FTO: variants seen among roughly 807,000 people sequenced by gnomAD.
The protein encoded by FTO is FTO alpha-ketoglutarate dependent dioxygenase.
Under a neutral mutation model 63.9 loss-of-function variants are expected in FTO, and 47 were observed. The observed-to-expected ratio is 0.74, with a 90% CI of 0.58 to 0.94. The LOEUF (loss-of-function observed/expected upper bound fraction) is 0.94. FTO is among the 40% of genes least tolerant of loss of function. The pLI is 0.00. For missense variants in FTO, 562 were observed against 618.1 expected (o/e 0.91, Z 0.96); for synonymous variants, 207 against 224.4 (o/e 0.92, Z 0.69).
Position 53,826,630 on chromosome 16 carries a change from T to C in FTO, c.751+139T>C, listed in dbSNP as rs75020935. On this transcript the variant is annotated intron_variant, in intron 3 of 8. Transcript: ENST00000471389. ...GTGTACATGCACATGCGTGTGTGTG[T>C]ATCATGTGTCCTTTTTAGTCTTGTC... 5.4e-3 allele frequency: 4,212 copies of C among 786,038 alleles called. 91 individuals are homozygous for C. In the African/African-American group the frequency reaches 0.054, roughly 10 times the overall value. The allele number at this position is 786,038 out of a possible 1,614,324, so 48.7% of individuals were successfully genotyped here. A position where few individuals can be genotyped will look rare whatever the true frequency, so the allele number is the denominator to read the frequency against.
At chr16:53,807,938 T>C (rs1431700250) in intron 1 of FTO, among the ~76,000 whole-genome samples, 1 of 152,172 alleles carries the variant, frequency 6.6e-6, no homozygotes, top group African/African-American at 2.4e-5. Flanking sequence ...AATTAACCAA[T>C]AGTGAATTAT....
Position 53,960,012 on chromosome 16 carries a change from T to C in FTO, c.1364+25903T>C, listed in dbSNP as rs952552559. 2.6e-5 allele frequency among the ~76,000 whole-genome samples: 4 copies of C among 152,134 alleles called. No homozygotes were observed. The East Asian group carries it at 7.7e-4, about 29-fold the overall frequency. On this transcript the variant is annotated intron_variant, in intron 8 of 8. Transcript: ENST00000471389. ...GGAAAGCAGGTTGGTTGAACAGCCT[T>C]GAAAATGAGGAGTCAACAGTATTCA...
intron 1 of FTO, among the ~76,000 whole-genome samples, chr16:53,719,253 C>CTTTTTTTTTTT (rs10527186): frequency 7.4e-6 from 1 of 135,698 alleles, no homozygotes; most frequent in South Asian, 2.6e-4. Flanking sequence ...TCTTCTTCTT[C>CTTTTTTTTTTT]TTTTTTTTTT....
chr16:53,937,492 A>G (rs1037762383), intron 8 of FTO: 1 of 381,850 alleles, frequency 2.6e-6, no homozygotes, highest in Non-Finnish European at 4.6e-6. Flanking sequence ...ACTGTAGGAA[A>G]AGGCAGAAAA....
intron 8 of FTO, among the ~76,000 whole-genome samples, chr16:54,091,621 C>T (rs7197992): frequency 0.027 from 4,136 of 152,226 alleles, 126 homozygotes; most frequent in South Asian, 0.086. Context: ...AACAAATCTG[C>T]GGGTTGGATG....
At chr16:53,803,136 T>A (rs1052411123) in intron 1 of FTO, among the ~76,000 whole-genome samples, 6 of 152,248 alleles carry the variant, frequency 3.9e-5, no homozygotes, top group African/African-American at 1.4e-4. Flanking sequence ...ACAAACATTG[T>A]AAATTTTTAA....
At chr16:54,041,053 C>G (rs1312937040) in intron 8 of FTO, among the ~76,000 whole-genome samples, 4 of 152,116 alleles carry the variant, frequency 2.6e-5, no homozygotes, top group Non-Finnish European at 1.5e-5. Context: ...AGAATATTGT[C>G]CTGGAAAGAT....
At chr16:53,845,659 A>G (rs751573319) in intron 4 of FTO, among the ~76,000 whole-genome samples, 1 of 152,244 alleles carries the variant, frequency 6.6e-6, no homozygotes, top group Non-Finnish European at 1.5e-5. Flanking sequence ...ATATAAATAT[A>G]GAGAAACCAA....
chr16:53,926,370 C>T (rs560792646), intron 7 of FTO, among the ~76,000 whole-genome samples: 1 of 152,192 alleles, frequency 6.6e-6, no homozygotes, highest in African/African-American at 2.4e-5. Context: ...AGCTTCACTC[C>T]CCAGACATGT....
rs533807386 is a variant in FTO at position 54,004,428 on chromosome 16, G to GT, written c.1364+70328dup. ...AATAAATAAATAAATAAATGTCGTG[G>GT]TTTTTTTTTAATTTAGCAAGTAAAG... is the stretch of plus-strand genomic sequence containing the variant. On this transcript the variant is annotated intron_variant, in intron 8 of 8. Transcript: ENST00000471389. 2.1e-4 allele frequency among the ~76,000 whole-genome samples: 32 copies of GT among 150,568 alleles called. 1 individual carries two copies. The highest frequency in any genetic ancestry group is 6.0e-4 in the Admixed American group (9 of 15,096).
intron 8 of FTO, among the ~76,000 whole-genome samples, chr16:53,990,455 G>A (rs1368790036): frequency 1.3e-5 from 2 of 152,044 alleles, no homozygotes; most frequent in African/African-American, 2.4e-5. Flanking sequence ...GACTTCAATT[G>A]TAGGTCACTT....
chr16:53,948,531 G>C (rs997047551), intron 8 of FTO, among the ~76,000 whole-genome samples: 1 of 152,192 alleles, frequency 6.6e-6, no homozygotes. Context: ...ATTGTCTTCT[G>C]GTCTCCTGGC....
chr16:54,049,104 G>A (rs769664058), intron 8 of FTO, among the ~76,000 whole-genome samples: 8 of 151,838 alleles, frequency 5.3e-5, no homozygotes, highest in African/African-American at 9.7e-5. Context: ...GATCCAAACC[G>A]TAAGAAAGGT....
intron 3 of FTO, among the ~76,000 whole-genome samples, chr16:53,830,395 A>G (rs2079112647): frequency 6.6e-6 from 1 of 152,222 alleles, no homozygotes; most frequent in Non-Finnish European, 1.5e-5. Context: ...CCAATGTTTA[A>G]TATGGTCCAG....
chr16:53,778,103 C>CA (rs2077503939), intron 1 of FTO, among the ~76,000 whole-genome samples: 1 of 152,150 alleles, frequency 6.6e-6, no homozygotes, highest in Non-Finnish European at 1.5e-5. Flanking sequence ...TCACCAAGGA[C>CA]ATGCTTAAGT....
intron 6 of FTO, among the ~76,000 whole-genome samples, chr16:53,886,212 C>T (rs984729827): frequency 6.6e-6 from 1 of 152,150 alleles, no homozygotes; most frequent in Non-Finnish European, 1.5e-5. Context: ...TACTGAAATC[C>T]AGTTTCTAGT....
chr16:53,993,272 A>G (rs1264131791), intron 8 of FTO: 1 of 152,234 alleles, frequency 6.6e-6, no homozygotes, highest in Non-Finnish European at 1.5e-5. Context: ...GACACATTTT[A>G]TTATATTCCT....
intron 1 of FTO, among the ~76,000 whole-genome samples, chr16:53,778,485 C>T (rs533439046): frequency 3.9e-5 from 6 of 152,098 alleles, no homozygotes; most frequent in Non-Finnish European, 5.9e-5. Context: ...TTCTTTAAAC[C>T]GTCAGTGGAA....
At chr16:53,781,849 A>G (rs1217849448) in intron 1 of FTO, among the ~76,000 whole-genome samples, 1 of 152,130 alleles carries the variant, frequency 6.6e-6, no homozygotes, top group African/African-American at 2.4e-5. Flanking sequence ...AGGAAAAAAT[A>G]TAGGTTTTGG....
Sources: gnomAD v4.1 joint callset for allele counts (sites outside exome capture counted in the v4.1 genomes callset) on GRCh38, gnomAD v4.1.1 for gene constraint, MANE v1.5 for transcripts, NCBI Gene and HGNC (gene_info 2026-07-23, HGNC 2026-07-21) for gene names.